Variants in GRIK1 observed in about 807,000 individuals in gnomAD.
GRIK1 encodes the protein glutamate receptor ionotropic, kainate 1.
GRIK1 carries 69 observed loss-of-function variants against 105.7 expected under a neutral mutation model. That is an observed-to-expected ratio of 0.65 (90% CI 0.54 to 0.80). The LOEUF (loss-of-function observed/expected upper bound fraction) is 0.80. Among genes scored for constraint, GRIK1 ranks in the 30% least tolerant of loss-of-function variants. The pLI, the probability that GRIK1 is intolerant of heterozygous loss-of-function variation, is 0.00. For synonymous variants in GRIK1, 438 were observed against 431.3 expected, an observed-to-expected ratio of 1.02 and a Z score of -0.19; for missense variants, 1,109 against 1,167.3, an observed-to-expected ratio of 0.95 and a Z score of 0.73.
chr21:29,560,364 T>TCTCTTTCTTCCTTC (rs2090394693), intron 15 of GRIK1, among the ~76,000 whole-genome samples: 1 of 35,886 alleles, frequency 2.8e-5, no homozygotes, highest in African/African-American at 1.3e-4. Context: ...TCTTTTTCTT[T>TCTCTTTCTTCCTTC]CTTCCTTCCT....
intron 16 of GRIK1, among the ~76,000 whole-genome samples, chr21:29,554,132 G>T (rs1278902627): frequency 1.3e-5 from 2 of 152,002 alleles, no homozygotes; most frequent in African/African-American, 4.8e-5. Context: ...TAATTTGCAG[G>T]GTCCAGTGCG....
chr21:29,629,219 T>TGG lies in GRIK1; in HGVS notation c.1098+13606_1098+13607insCC, dbSNP rs113233308. ...ATGTGTGTGTGTGTGTGTGTGTGTG[T>TGG]GTGTGTGTGTGTGTGCTATTTGCAA... is the stretch of plus-strand genomic sequence containing the variant. On this transcript the variant is annotated intron_variant, in intron 7 of 17. Coordinates refer to ENST00000327783, the MANE Select transcript of GRIK1 (RefSeq NM_001330994.2). Among the ~76,000 whole-genome samples, 388 of 151,124 alleles carry TGG rather than the reference T, an allele frequency of 2.6e-3. 2 individuals are homozygous for TGG. Among genetic ancestry groups the TGG allele is most frequent in the African/African-American group, 8.4e-3 (344 of 40,960 alleles).
intron 1 of GRIK1, among the ~76,000 whole-genome samples, chr21:29,866,109 C>A (rs2068793191): frequency 6.6e-6 from 1 of 152,008 alleles, no homozygotes; most frequent in South Asian, 2.1e-4. Context: ...TTCTGTTGCC[C>A]AAGCTGAAAT....
At chr21:29,676,687 A>G (rs2063274004) in intron 3 of GRIK1, among the ~76,000 whole-genome samples, 1 of 152,140 alleles carries the variant, frequency 6.6e-6, no homozygotes. Context: ...TTTCTAGCCC[A>G]CTGAGATGGA....
intron 1 of GRIK1, among the ~76,000 whole-genome samples, chr21:29,862,281 C>A (rs1282785388): frequency 6.6e-6 from 1 of 152,218 alleles, no homozygotes; most frequent in Non-Finnish European, 1.5e-5. Flanking sequence ...AATCATCACA[C>A]CTGGCCACTT....
intron 1 of GRIK1, among the ~76,000 whole-genome samples, chr21:29,921,820 T>C (rs1009906992): frequency 3.3e-5 from 5 of 152,188 alleles, no homozygotes; most frequent in African/African-American, 1.2e-4. Flanking sequence ...GGAAATTTAG[T>C]TGTAGTAAAC....
At chr21:29,842,873 A>G (rs2068018316) in intron 1 of GRIK1, among the ~76,000 whole-genome samples, 1 of 152,192 alleles carries the variant, frequency 6.6e-6, no homozygotes, top group Non-Finnish European at 1.5e-5. Flanking sequence ...TAATACCCCT[A>G]TAGGCTTCCT....
At chr21:29,811,902 C>G (rs1208916627) in intron 1 of GRIK1, among the ~76,000 whole-genome samples, 1 of 152,140 alleles carries the variant, frequency 6.6e-6, no homozygotes, top group Non-Finnish European at 1.5e-5. Context: ...ACCTGGAAAC[C>G]TCTTTTCCTC....
chr21:29,781,433 A>C (rs1328664862), intron 1 of GRIK1, among the ~76,000 whole-genome samples: 1 of 152,030 alleles, frequency 6.6e-6, no homozygotes, highest in Non-Finnish European at 1.5e-5. Flanking sequence ...CCTCTTTATA[A>C]ATACGTACCT....
At chr21:29,573,966 ATGT>A (rs1042184805) in intron 14 of GRIK1, among the ~76,000 whole-genome samples, 2 of 152,168 alleles carry the variant, frequency 1.3e-5, no homozygotes, top group African/African-American at 2.4e-5. Context: ...GAGCACTGAC[ATGT>A]TGTCCCATGT....
At chr21:29,915,644 A>C (rs370579182) in intron 1 of GRIK1, among the ~76,000 whole-genome samples, 13 of 152,132 alleles carry the variant, frequency 8.5e-5, no homozygotes, top group African/African-American at 3.1e-4. Context: ...ACAACAACAG[A>C]AATAAAAACA....
intron 1 of GRIK1, among the ~76,000 whole-genome samples, chr21:29,850,910 C>A (rs545821925): frequency 6.6e-6 from 1 of 152,138 alleles, no homozygotes; most frequent in African/African-American, 2.4e-5. Context: ...ACTTTTAGAG[C>A]AAACTTTTAC....
At chr21:29,539,230 G>T (rs573260874) in intron 16 of GRIK1, among the ~76,000 whole-genome samples, 134 of 152,178 alleles carry the variant, frequency 8.8e-4, no homozygotes, top group African/African-American at 3.2e-3. Flanking sequence ...CTTACTATGG[G>T]GTTGTGTCTC....
intron 1 of GRIK1, among the ~76,000 whole-genome samples, chr21:29,831,718 C>T (rs464109): frequency 0.39 from 58,712 of 151,518 alleles, 12,397 homozygotes; most frequent in East Asian, 0.69. Flanking sequence ...CCTCCAACAC[C>T]AAGGATAAAA....
chr21:29,573,220 C>T (rs539490738), intron 14 of GRIK1, among the ~76,000 whole-genome samples: 1 of 152,118 alleles, frequency 6.6e-6, no homozygotes, highest in Non-Finnish European at 1.5e-5. Flanking sequence ...TTCCTGGTGA[C>T]CTGAGAGAAT....
At chr21:29,759,218 C>T (rs368399144) in intron 1 of GRIK1, among the ~76,000 whole-genome samples, 16 of 151,680 alleles carry the variant, frequency 1.1e-4, no homozygotes, top group African/African-American at 3.1e-4. Context: ...CCCAGGTTCA[C>T]GCCATTCTCC....
intron 1 of GRIK1, among the ~76,000 whole-genome samples, chr21:29,816,613 A>G (rs2067160956): frequency 6.6e-6 from 1 of 152,166 alleles, no homozygotes; most frequent in Non-Finnish European, 1.5e-5. Flanking sequence ...TCAGCCATAA[A>G]TAAAGAATGA....
At chr21:29,925,421 TTATAA>T (rs1408526002) in intron 1 of GRIK1, among the ~76,000 whole-genome samples, 1 of 152,194 alleles carries the variant, frequency 6.6e-6, no homozygotes, top group African/African-American at 2.4e-5. Context: ...TTTTATCAGA[TTATAA>T]TATATGTATT....
intron 6 of GRIK1, among the ~76,000 whole-genome samples, chr21:29,643,962 T>C (rs2062566844): frequency 6.6e-6 from 1 of 152,038 alleles, no homozygotes; most frequent in Admixed American, 6.6e-5. Flanking sequence ...TACACAATCA[T>C]AGTGAGAAAT....
Sources: gnomAD v4.1 joint callset for allele counts (sites outside exome capture counted in the v4.1 genomes callset) on GRCh38, gnomAD v4.1.1 for gene constraint, MANE v1.5 for transcripts, NCBI Gene and HGNC (gene_info 2026-07-23, HGNC 2026-07-21) for gene names.